Variants in SAMD5 observed in about 807,000 individuals in gnomAD.
SAMD5 encodes the protein sterile alpha motif domain containing 5.
In SAMD5, 13 loss-of-function variants were observed where a neutral mutation model predicts 11.3. The ratio of observed to expected loss-of-function variants is 1.15; its 90% CI spans 0.75 to 1.83. SAMD5 has a LOEUF of 1.83. Ranked by LOEUF, SAMD5 falls within the 40% of genes most tolerant of loss-of-function variation. SAMD5 has a pLI of 0.00. For synonymous variants in SAMD5, 129 were observed against 111.3 expected, an observed-to-expected ratio of 1.16 and a Z score of -1.00; for missense variants, 255 against 239.1, an observed-to-expected ratio of 1.07 and a Z score of -0.44.
At chr6:147,798,618 A>G in the SAMD5 span, among the ~76,000 whole-genome samples, 1 of 151,916 alleles carries the variant, frequency 6.6e-6, no homozygotes, top group African/African-American at 2.4e-5. Context: ...ATTCCTGGGT[A>G]TCCTTGTTGA....
the SAMD5 span, among the ~76,000 whole-genome samples, chr6:147,825,719 T>G: frequency 6.6e-6 from 1 of 152,238 alleles, no homozygotes; most frequent in Non-Finnish European, 1.5e-5. Flanking sequence ...TTTCAAAATT[T>G]TAAAATCCCA....
At chr6:147,593,791 T>C (rs537194889) in intron 1 of SAMD5, among the ~76,000 whole-genome samples, 1 of 152,246 alleles carries the variant, frequency 6.6e-6, no homozygotes, top group Non-Finnish European at 1.5e-5. Context: ...TTGTAGGAGC[T>C]CTAAGACTCT....
intron 1 of SAMD5, among the ~76,000 whole-genome samples, chr6:147,642,924 C>A (rs973096891): frequency 1.3e-4 from 20 of 152,122 alleles, no homozygotes; most frequent in Non-Finnish European, 2.8e-4. Flanking sequence ...CTGTTGTCAC[C>A]CCAGAATAAA....
chr6:147,517,079 A>G (rs1292454664), intron 1 of SAMD5, among the ~76,000 whole-genome samples: 1 of 152,066 alleles, frequency 6.6e-6, no homozygotes, highest in Non-Finnish European at 1.5e-5. Flanking sequence ...TGTCAGGTTT[A>G]TTTTCCACCT....
the SAMD5 span, among the ~76,000 whole-genome samples, chr6:147,818,674 G>A: frequency 0.014 from 2,073 of 152,176 alleles, 57 homozygotes; most frequent in African/African-American, 0.048. Flanking sequence ...AAACACGTGT[G>A]TATCCATTCA....
At chr6:147,645,245 T>A (rs1345295857) in intron 1 of SAMD5, among the ~76,000 whole-genome samples, 9 of 151,978 alleles carry the variant, frequency 5.9e-5, no homozygotes, top group Non-Finnish European at 1.5e-5. Flanking sequence ...CACTTGGGGG[T>A]CACTGGGCCT....
the SAMD5 span, among the ~76,000 whole-genome samples, chr6:147,904,752 A>C: frequency 3.3e-5 from 5 of 152,116 alleles, no homozygotes; most frequent in African/African-American, 1.2e-4. Context: ...TACCACAGAG[A>C]TCCCTTTTCC....
chr6:147,566,719 T>C lies in SAMD5; in HGVS notation c.*2263T>C, dbSNP rs1789047917. 3.0e-6 allele frequency: 3 copies of C among 985,194 alleles called. No homozygotes were observed. Among genetic ancestry groups the C allele is most frequent in the Admixed American group, 6.2e-5 (1 of 16,256 alleles). 61.0% of individuals were successfully genotyped at this position (985,194 alleles called of 1,614,324 possible). A position where few individuals can be genotyped will look rare whatever the true frequency, so the allele number is the denominator to read the frequency against. ...AGTCACAGTCAGCAAAAAAAGCCAA[T>C]GGATTTTAAAAAGACATCTTAGTTA... On this transcript the variant is annotated 3_prime_UTR_variant, in exon 2 of 2. Coordinates refer to ENST00000367474, the MANE Select transcript of SAMD5 (RefSeq NM_001030060.3).
the SAMD5 span, among the ~76,000 whole-genome samples, chr6:147,916,829 A>G: frequency 4.7e-5 from 7 of 150,342 alleles, no homozygotes; most frequent in Non-Finnish European, 8.8e-5. Flanking sequence ...TTCTTGCAAT[A>G]GTTTACTGAG....
At chr6:147,781,657 A>T in the SAMD5 span, among the ~76,000 whole-genome samples, 3 of 152,084 alleles carry the variant, frequency 2.0e-5, no homozygotes, top group Non-Finnish European at 4.4e-5. Flanking sequence ...AGGGGTAATA[A>T]CAGAAGCACC....
intron 1 of SAMD5, among the ~76,000 whole-genome samples, chr6:147,651,564 G>A (rs1427618405): frequency 6.6e-6 from 1 of 152,126 alleles, no homozygotes; most frequent in Non-Finnish European, 1.5e-5. Flanking sequence ...GAAGCTCCTG[G>A]CCCTTTCCAC....
At chr6:147,853,087 T>C in the SAMD5 span, among the ~76,000 whole-genome samples, 1 of 152,204 alleles carries the variant, frequency 6.6e-6, no homozygotes, top group Non-Finnish European at 1.5e-5. Flanking sequence ...GTACAGATTC[T>C]GATGTCTCCT....
the SAMD5 span, among the ~76,000 whole-genome samples, chr6:147,749,883 G>T: frequency 1.3e-5 from 2 of 152,166 alleles, no homozygotes; most frequent in East Asian, 1.9e-4. Context: ...TACATAAAAA[G>T]CAATGAAATG....
chr6:147,658,954 A>G (rs2128454180), intron 1 of SAMD5, among the ~76,000 whole-genome samples: 1 of 152,320 alleles, frequency 6.6e-6, no homozygotes, highest in East Asian at 1.9e-4. Context: ...AATGAGTGGT[A>G]ATTATTCCAG....
chr6:147,770,260 T>A, the SAMD5 span, among the ~76,000 whole-genome samples: 867 of 151,626 alleles, frequency 5.7e-3, 9 homozygotes, highest in African/African-American at 0.017. Flanking sequence ...TTTAATTTTT[T>A]TTAAAAAAAA....
At chr6:147,618,405 G>C (rs1789905286) in intron 1 of SAMD5, among the ~76,000 whole-genome samples, 1 of 152,184 alleles carries the variant, frequency 6.6e-6, no homozygotes, top group Non-Finnish European at 1.5e-5. Flanking sequence ...GCAACATGAG[G>C]GGGAGCAGAT....
the SAMD5 span, among the ~76,000 whole-genome samples, chr6:147,923,244 A>G: frequency 6.6e-6 from 1 of 152,224 alleles, no homozygotes; most frequent in Non-Finnish European, 1.5e-5. Context: ...ATCTGAATAT[A>G]GTGCATTTCT....
the SAMD5 span, among the ~76,000 whole-genome samples, chr6:147,930,731 G>A: frequency 6.6e-6 from 1 of 152,116 alleles, no homozygotes; most frequent in African/African-American, 2.4e-5. Context: ...GAGTCCGAAG[G>A]CCAAAGACCC....
intron 1 of SAMD5, among the ~76,000 whole-genome samples, chr6:147,611,434 G>A (rs191255236): frequency 1.1e-3 from 168 of 152,012 alleles, no homozygotes; most frequent in African/African-American, 3.6e-3. Flanking sequence ...ATGGTGGTGC[G>A]CGCCTGTAAT....
Sources: allele counts gnomAD v4.1 joint callset (sites outside exome capture counted in the v4.1 genomes callset), GRCh38; gene constraint gnomAD v4.1.1; transcripts MANE v1.5; gene names NCBI Gene and HGNC (gene_info 2026-07-23, HGNC 2026-07-21).